Variants in TTYH3 observed in about 807,000 individuals in gnomAD.
The protein encoded by TTYH3 is tweety family member 3.
A neutral mutation model predicts 68.2 loss-of-function variants in TTYH3; 23 were observed. The ratio of observed to expected loss-of-function variants is 0.34; its 90% CI spans 0.24 to 0.48. The LOEUF is 0.48. Among genes scored for constraint, TTYH3 ranks in the 20% least tolerant of loss-of-function variants. The pLI, the probability that TTYH3 is intolerant of heterozygous loss-of-function variation, is 0.99. For synonymous variants in TTYH3, 360 were observed against 332.8 expected (o/e 1.08, Z -0.89); for missense variants, 768 against 727.7 (o/e 1.06, Z -0.64).
At chr7:2,644,584 G>A (rs1785933137) in intron 1 of TTYH3, among the ~76,000 whole-genome samples, 1 of 152,224 alleles carries the variant, frequency 6.6e-6, no homozygotes, top group Admixed American at 6.5e-5. Context: ...GCCCCTGGAG[G>A]GTGGGGGTGC....
intron 7 of TTYH3, among the ~76,000 whole-genome samples, chr7:2,651,947 AACAC>A (rs764333666): frequency 3.9e-5 from 6 of 152,068 alleles, no homozygotes; most frequent in Non-Finnish European, 7.4e-5. Flanking sequence ...CACACATATA[AACAC>A]ACAGACACAT....
intron 1 of TTYH3, among the ~76,000 whole-genome samples, chr7:2,637,956 C>T (rs1394600177): frequency 1.3e-5 from 2 of 152,216 alleles, no homozygotes; most frequent in Admixed American, 6.5e-5. Flanking sequence ...CCAGTGCCTT[C>T]GGCCTCTGAG....
In TTYH3 at chr7:2,661,777, C is replaced by T; in HGVS notation, c.*38C>T. 6.3e-7 allele frequency: 1 copy of T among 1,587,872 alleles called. No individual in the cohort carries two copies. Among genetic ancestry groups the T allele is most frequent in the Non-Finnish European group, 8.6e-7 (1 of 1,169,082 alleles). On this transcript the variant is annotated 3_prime_UTR_variant, in exon 14 of 14. Transcript: ENST00000258796. ...AGCCACCCACCCCACGTGCCAACTT[C>T]CCCTCCCCGTGCCAGCACTGCCGCT... is the stretch of plus-strand genomic sequence containing the variant.
Position 2,661,751 on chromosome 7 carries a change from C to T in TTYH3, c.*12C>T, listed in dbSNP as rs778122172. The T allele has an allele frequency of 5.5e-5, 89 of 1,607,200 alleles. No individual in the cohort carries two copies. Among genetic ancestry groups the T allele is most frequent in the Non-Finnish European group, 7.2e-5 (85 of 1,178,282 alleles). On this transcript the variant is annotated 3_prime_UTR_variant, in exon 14 of 14. Coordinates refer to ENST00000258796, the MANE Select transcript of TTYH3 (RefSeq NM_025250.3). Reference sequence around the variant, plus strand: ...GCGGCAGCCACTAGACCGCGCCCGGCAGCCACCCACCCCACGTGCCAACTT... The same window carrying T: ...GCGGCAGCCACTAGACCGCGCCCGGTAGCCACCCACCCCACGTGCCAACTT...
rs773637764 is a variant in TTYH3, at chr7:2,647,163, C to A, written c.315C>A (p.Phe105Leu). Residue 105 changes from phenylalanine to leucine, a missense_variant, in exon 3 of 14, where the codon TTC (phenylalanine) becomes TTA (leucine). By Grantham distance (22) the Phe-to-Leu change is conservative (BLOSUM62 0). Coordinates refer to ENST00000258796, the MANE Select transcript of TTYH3 (RefSeq NM_025250.3). ...CCAGCGCCGGCATCGCAGTGGGATTCTACGGCAACGGGGAGACCAGTGATG... is the reference window on the plus strand; with the variant it reads ...CCAGCGCCGGCATCGCAGTGGGATTATACGGCAACGGGGAGACCAGTGATG... ...LVCSAGIAVG[F>L]YGNGETSDGI... is the part of the protein sequence containing the mutation. 2 of 1,606,006 alleles carry A rather than the reference C, an allele frequency of 1.2e-6. No individual in the cohort carries two copies. Among genetic ancestry groups the A allele is most frequent in the African/African-American group, 1.3e-5 (1 of 74,834 alleles).
chr7:2,658,405 C>A lies in TTYH3; in HGVS notation c.1370C>A (p.Thr457Asn). 3.1e-6 allele frequency: 5 copies of A among 1,612,282 alleles called. No individual in the cohort carries two copies. The highest frequency in any genetic ancestry group is 4.2e-6 in the Non-Finnish European group (5 of 1,179,734). ...YSCGSSYGSE[T>N]SIPAAAHTVS... ...TGTGGCAGCAGCTACGGCAGTGAGA[C>A]CAGCATCCCGGCCGCGGCCCACACC... The change falls in exon 12 of 14, where the codon ACC (threonine) becomes AAC (asparagine). Residue 457 changes from threonine (T) to asparagine (N), a missense_variant. Coordinates refer to ENST00000258796, the MANE Select transcript of TTYH3 (RefSeq NM_025250.3).
chr7:2,634,467 C>G (rs1257760329), intron 1 of TTYH3, among the ~76,000 whole-genome samples: 1 of 151,966 alleles, frequency 6.6e-6, no homozygotes, highest in African/African-American at 2.4e-5. Flanking sequence ...CCTCACCCAT[C>G]CTGACTGAGG....
chr7:2,659,138 T>G, intron 13 of TTYH3, 123 bp downstream of exon 13: 740 of 818,454 alleles, frequency 9.0e-4, no homozygotes, highest in East Asian at 1.8e-3. Flanking sequence ...AGCTGTGAGC[T>G]GCCACCACCG....
In TTYH3 at chr7:2,653,966, C is replaced by T. The variant is rs994390799; in HGVS notation, c.1020+956C>T. Among the ~76,000 whole-genome samples the T allele has an allele frequency of 3.9e-5, 6 of 152,250 alleles. No homozygotes were observed. The East Asian group carries it at 1.2e-3, about 29-fold the overall frequency. ...CCACCCGTGGGGATCCCTGCCCCCA[C>T]ACACACCGCCCCAGGACTGGACATG... On this transcript the variant is annotated intron_variant, in intron 9 of 13. Coordinates refer to ENST00000258796, the MANE Select transcript of TTYH3 (RefSeq NM_025250.3).
At chr7:2,650,687 T>A (rs7777134) in intron 7 of TTYH3, among the ~76,000 whole-genome samples, 87,161 of 151,600 alleles carry the variant, frequency 0.57, 25,855 homozygotes, top group African/African-American at 0.73. Context: ...GGGCTGAGTC[T>A]CTGTGGCAAG....
chr7:2,660,266 C>G, intron 13 of TTYH3: 1 of 985,406 alleles, frequency 1.0e-6, no homozygotes, highest in South Asian at 4.7e-5. Context: ...TCCAGGCTCC[C>G]CCTGCCCAGT....
chr7:2,651,608 G>A (rs1217409666), intron 7 of TTYH3, among the ~76,000 whole-genome samples: 2 of 152,234 alleles, frequency 1.3e-5, no homozygotes, highest in Non-Finnish European at 2.9e-5. Flanking sequence ...GTGAGCTCCA[G>A]CCTGCGGGCC....
chr7:2,652,777 G>C, intron 8 of TTYH3, 141 bp from the exon 9 acceptor site: 1 of 665,910 alleles, frequency 1.5e-6, no homozygotes, highest in Non-Finnish European at 2.6e-6. Context: ...GGCAGGGAGT[G>C]CCCTGTTGGC....
intron 1 of TTYH3, among the ~76,000 whole-genome samples, chr7:2,632,528 G>A (rs936104695): frequency 6.6e-6 from 1 of 152,082 alleles, no homozygotes; most frequent in Non-Finnish European, 1.5e-5. Context: ...CCCCAGTGAG[G>A]GTCCACGGCC....
At chr7:2,655,108 C>G (rs7788422) in intron 9 of TTYH3, among the ~76,000 whole-genome samples, 63 of 152,072 alleles carry the variant, frequency 4.1e-4, no homozygotes, top group African/African-American at 1.4e-3. Context: ...CCATTGAGCC[C>G]GTAACAGTAG....
intron 1 of TTYH3, among the ~76,000 whole-genome samples, chr7:2,638,656 C>A (rs1057290935): frequency 6.6e-6 from 1 of 152,230 alleles, no homozygotes; most frequent in Non-Finnish European, 1.5e-5. Flanking sequence ...GCACGTCCTC[C>A]AGGCACGGCC....
At chr7:2,658,912 TCA>T (rs1244544457) in intron 12 of TTYH3, 26 bp from the exon 13 acceptor site, 5 of 1,611,974 alleles carry the variant, frequency 3.1e-6, no homozygotes, top group South Asian at 1.1e-5. Flanking sequence ...CAGCAGGCAC[TCA>T]CAGCCTCTCT....
intron 11 of TTYH3, among the ~76,000 whole-genome samples, chr7:2,657,424 G>A (rs562259836): frequency 6.6e-6 from 1 of 151,680 alleles, no homozygotes; most frequent in South Asian, 2.1e-4. Context: ...TGGTGGTGAT[G>A]GTGATGGTGA....
intron 1 of TTYH3, among the ~76,000 whole-genome samples, chr7:2,637,224 C>T (rs556237607): frequency 2.2e-4 from 34 of 152,260 alleles, no homozygotes; most frequent in Admixed American, 7.2e-4. Flanking sequence ...CAGCCAACCC[C>T]GTCTAAGGGA....
Sources: allele counts gnomAD v4.1 joint callset (sites outside exome capture counted in the v4.1 genomes callset), GRCh38; gene constraint gnomAD v4.1.1; transcripts MANE v1.5; gene names NCBI Gene and HGNC (gene_info 2026-07-23, HGNC 2026-07-21).